CNPY4: variants seen among roughly 807,000 people sequenced by gnomAD.
CNPY4 encodes protein canopy homolog 4.
CNPY4 carries 33 observed loss-of-function variants against 30.1 expected under a neutral mutation model. The observed-to-expected ratio is 1.10, with a 90% CI of 0.83 to 1.46. CNPY4 has a LOEUF of 1.46. CNPY4 is among the 40% of genes most tolerant of loss of function. The probability of loss-of-function intolerance (pLI) is 0.00; values close to 1 mark genes in which losing one functional copy is unlikely to be tolerated. For synonymous variants in CNPY4, 109 were observed against 110.1 expected (o/e 0.99, Z 0.06); for missense variants, 324 against 302.6 (o/e 1.07, Z -0.52).
At position 100,125,338 on chromosome 7, in the gene CNPY4, C is replaced by T. The variant is rs1485750881; in HGVS notation, c.*450C>T. ...CTGTATCCAGGAGGCTACACACCAG[C>T]AAACCGTGAAGGAGAATGGGACACT... On this transcript the variant is annotated 3_prime_UTR_variant, in exon 6 of 6. Coordinates refer to ENST00000262932, the MANE Select transcript of CNPY4 (RefSeq NM_152755.2). 6.2e-6 allele frequency: 1 copy of T among 160,640 alleles called. No homozygotes were observed. Among genetic ancestry groups the T allele is most frequent in the African/African-American group, 2.4e-5 (1 of 41,510 alleles). The allele number at this position is 160,640 out of a possible 1,614,324, so 10.0% of individuals were successfully genotyped here.
At chr7:100,120,852 G>C (rs1798017474) in intron 1 of CNPY4, among the ~76,000 whole-genome samples, 1 of 151,924 alleles carries the variant, frequency 6.6e-6, no homozygotes, top group Non-Finnish European at 1.5e-5. Flanking sequence ...ACCACAGCTT[G>C]TCATCCTTGG....
Position 100,122,581 on chromosome 7 carries a change from A to T in CNPY4, c.342+4A>T, listed in dbSNP as rs779157704. On this transcript the variant is annotated splice_donor_region_variant and intron_variant, in intron 3 of 5. Coordinates refer to ENST00000262932, the MANE Select transcript of CNPY4 (RefSeq NM_152755.2). ...GGGCTCACTGAGATATGCCAAGGTC[A>T]GACCCTTCCCCAGGGCAGGACCCCA... 1 of 1,599,386 alleles carries T rather than the reference A, an allele frequency of 6.3e-7. No homozygotes were observed. Among genetic ancestry groups the T allele is most frequent in the East Asian group, 2.2e-5 (1 of 44,736 alleles).
rs1562940120 is a variant in CNPY4, at chr7:100,124,663, A to T, written c.583+32A>T. 16 of 1,611,488 alleles carry T rather than the reference A, an allele frequency of 9.9e-6. 1 individual carries two copies. The African/African-American group carries it at 1.5e-4, about 15-fold the overall frequency. On this transcript the variant is annotated intron_variant, in intron 5 of 5. Transcript: ENST00000262932. ...GTAAGGGTTGAACTCCTCTCCTGCCAAGCCATAGCCTCCCCTGCCTCCAGG... is the reference window on the plus strand; with the variant it reads ...GTAAGGGTTGAACTCCTCTCCTGCCTAGCCATAGCCTCCCCTGCCTCCAGG...
In CNPY4 at chr7:100,119,806, C is replaced by T. The variant is rs374762512; in HGVS notation, c.62C>T (p.Ala21Val). 7 of 1,614,076 alleles carry T rather than the reference C, an allele frequency of 4.3e-6. No individual in the cohort carries two copies. Among genetic ancestry groups the T allele is most frequent in the East Asian group, 2.2e-5 (1 of 44,874 alleles). ...TTTTTGGCCGTGCACGAGGCTTGGGCTGGGATGTTGAAGGAGGAGGACGAT... is the reference window on the plus strand; with the variant it reads ...TTTTTGGCCGTGCACGAGGCTTGGGTTGGGATGTTGAAGGAGGAGGACGAT... The part of the protein sequence containing the change: ...FLFLAVHEAW[A>V]GMLKEEDDDT... Residue 21 changes from alanine (A) to valine (V), a missense_variant, in exon 1 of 6, where the codon GCT (alanine) becomes GTT (valine). Coordinates refer to ENST00000262932, the MANE Select transcript of CNPY4 (RefSeq NM_152755.2).
rs900879198 is a variant in CNPY4 at position 100,124,971 on chromosome 7, G to A, written c.*83G>A. On this transcript the variant is annotated 3_prime_UTR_variant, in exon 6 of 6. Transcript: ENST00000262932. ...CACTCTCCCTGCTCCACAGCTTTCA[G>A]GGTGTGTTTATGAGTGACTCCACCC... 2 of 1,485,526 alleles carry A rather than the reference G, an allele frequency of 1.3e-6. No individual in the cohort carries two copies. The highest frequency in any genetic ancestry group is 2.3e-5 in the Admixed American group (1 of 44,344). 92.0% of individuals were successfully genotyped at this position (1,485,526 alleles called of 1,614,324 possible).
rs1798177601 is a variant in CNPY4, at chr7:100,125,076, G to A, written c.*188G>A. ...CATGACATGGCTTCTGGGGTGGAGG[G>A]TGGGGGTGGAGGTCCTGCTCCTAGA... is the stretch of plus-strand genomic sequence containing the variant. On this transcript the variant is annotated 3_prime_UTR_variant, in exon 6 of 6. Coordinates refer to ENST00000262932, the MANE Select transcript of CNPY4 (RefSeq NM_152755.2). 6 of 621,012 alleles carry A rather than the reference G, an allele frequency of 9.7e-6. No individual in the cohort carries two copies. In the Admixed American group the frequency reaches 1.9e-4, roughly 20 times the overall value. The allele number at this position is 621,012 out of a possible 1,614,324, so 38.5% of individuals were successfully genotyped here.
intron 1 of CNPY4, chr7:100,121,960 G>C (rs1798086107): frequency 7.0e-6 from 2 of 285,484 alleles, no homozygotes; most frequent in Non-Finnish European, 1.4e-5. Flanking sequence ...TGAGGCAGGA[G>C]AATGGCGTGA....
rs1485260278 is a variant in CNPY4 at position 100,125,137 on chromosome 7, A to C, written c.*249A>C. On this transcript the variant is annotated 3_prime_UTR_variant, in exon 6 of 6. Coordinates refer to ENST00000262932, the MANE Select transcript of CNPY4 (RefSeq NM_152755.2). ...ATCCAGCCCCTTAATTGGCAGGTGT[A>C]TGTGCTGACAGTACTGAAAGCTTTC... 2 of 469,370 alleles carry C rather than the reference A, an allele frequency of 4.3e-6. No individual in the cohort carries two copies. The highest frequency in any genetic ancestry group is 5.6e-4 in the Middle Eastern group (1 of 1,786). 29.1% of individuals were successfully genotyped at this position (469,370 alleles called of 1,614,324 possible).
rs1453356640 is a variant in CNPY4, at chr7:100,119,698, C to T, written c.-47C>T. ...GAATTTAAGGGACCCACACTACCTT[C>T]CCGAAGTTGAAGGCAAGCGGTGATT... On this transcript the variant is annotated 5_prime_UTR_variant, in exon 1 of 6. Transcript: ENST00000262932. The T allele has an allele frequency of 1.9e-6, 3 of 1,613,940 alleles. No homozygotes were observed. The highest frequency in any genetic ancestry group is 4.5e-5 in the East Asian group (2 of 44,846).
chr7:100,123,636 TC>T (rs1207615968), intron 4 of CNPY4, among the ~76,000 whole-genome samples: 2 of 152,064 alleles, frequency 1.3e-5, no homozygotes, highest in African/African-American at 4.8e-5. Flanking sequence ...TTCTCCTGCT[TC>T]AGCCTCCCGA....
chr7:100,123,913 G>A (rs1228958561), intron 4 of CNPY4, among the ~76,000 whole-genome samples: 2 of 152,224 alleles, frequency 1.3e-5, no homozygotes, highest in African/African-American at 2.4e-5. Flanking sequence ...GGCGGATCAC[G>A]ACATCAGGGG....
intron 5 of CNPY4, 44 bp downstream of exon 5, chr7:100,124,675 C>G (rs1280620877): frequency 6.2e-7 from 1 of 1,611,848 alleles, no homozygotes. Context: ...GCCATAGCCT[C>G]CCCTGCCTCC....
rs774014017 is a variant in CNPY4 at position 100,119,871 on chromosome 7, A to G, written c.118+9A>G. 4.3e-6 allele frequency: 7 copies of G among 1,610,642 alleles called. No homozygotes were observed. The highest frequency in any genetic ancestry group is 5.9e-6 in the Non-Finnish European group (7 of 1,178,254). ...GCCCAGCAAATGCGAAGGTATTTGA[A>G]GGGGGTAGCCCCTATAGGCATCGCC... On this transcript the variant is annotated intron_variant, in intron 1 of 5. Transcript: ENST00000262932.
Position 100,122,386 on chromosome 7 carries a change from G to GT in CNPY4, c.245+2dup, listed in dbSNP as rs752824724. 6.2e-7 allele frequency: 1 copy of GT among 1,614,094 alleles called. No homozygotes were observed. Among genetic ancestry groups the GT allele is most frequent in the South Asian group, 1.1e-5 (1 of 91,076 alleles). On this transcript the variant is annotated splice_donor_variant, in intron 2 of 5. Transcript: ENST00000262932. LOFTEE classifies it high-confidence loss of function. ...AGAGACACGTGCCTTACAGCGTTTC[G>GT]TGAGTCCTTCGTGCTCCTCCCCTTT...
intron 1 of CNPY4, among the ~76,000 whole-genome samples, chr7:100,121,692 A>G (rs556112953): frequency 2.0e-5 from 3 of 151,888 alleles, no homozygotes; most frequent in East Asian, 3.9e-4. Flanking sequence ...TGCCCGCCTC[A>G]GCCTCCCAAA....
intron 1 of CNPY4, 170 bp downstream of exon 1, chr7:100,120,032 G>A: frequency 3.6e-6 from 2 of 552,496 alleles, no homozygotes; most frequent in Middle Eastern, 4.8e-4. Flanking sequence ...AACGTGTAGT[G>A]CCACCTCAAA....
chr7:100,123,710 C>T (rs1253906038), intron 4 of CNPY4, among the ~76,000 whole-genome samples: 2 of 152,032 alleles, frequency 1.3e-5, no homozygotes, highest in African/African-American at 4.8e-5. Context: ...TTAGTAGAGA[C>T]GGGGTTTCAT....
At position 100,121,971 on chromosome 7, in the gene CNPY4, A is replaced by G. The variant is rs559502703; in HGVS notation, c.119-288A>G. On this transcript the variant is annotated intron_variant, in intron 1 of 5. Coordinates refer to ENST00000262932, the MANE Select transcript of CNPY4 (RefSeq NM_152755.2). Reference sequence around the variant, plus strand: ...AGACTGAGGCAGGAGAATGGCGTGAACCCAGGAGGCGGAGCTGGCAGTGAG... The same window carrying G: ...AGACTGAGGCAGGAGAATGGCGTGAGCCCAGGAGGCGGAGCTGGCAGTGAG... 3 of 314,738 alleles carry G rather than the reference A, an allele frequency of 9.5e-6. No homozygotes were observed. The East Asian group carries it at 2.7e-4, about 28-fold the overall frequency. 19.5% of individuals were successfully genotyped at this position (314,738 alleles called of 1,614,324 possible).
rs1798180878 is a variant in CNPY4, at chr7:100,125,217, G to A, written c.*329G>A. ...AGTCAGCAGTGGCACTGGAGCTGTGGGCTTTGGGGAAGTCACTTAGCTCCT... is the reference window on the plus strand; with the variant it reads ...AGTCAGCAGTGGCACTGGAGCTGTGAGCTTTGGGGAAGTCACTTAGCTCCT... On this transcript the variant is annotated 3_prime_UTR_variant, in exon 6 of 6. Transcript: ENST00000262932. 7.5e-6 allele frequency: 2 copies of A among 268,386 alleles called. No homozygotes were observed. Among genetic ancestry groups the A allele is most frequent in the East Asian group, 6.9e-5 (1 of 14,550 alleles). The allele number at this position is 268,386 out of a possible 1,614,324, so 16.6% of individuals were successfully genotyped here.
Sources: allele counts gnomAD v4.1 joint callset (sites outside exome capture counted in the v4.1 genomes callset), GRCh38; gene constraint gnomAD v4.1.1; transcripts MANE v1.5; gene names NCBI Gene and HGNC (gene_info 2026-07-23, HGNC 2026-07-21).